The following DMD variants were observed in gnomAD, a reference collection of about 807,000 sequenced individuals.
The protein encoded by DMD is dystrophin, also known as mutant dystrophin.
DMD carries 63 observed loss-of-function variants against 330.1 expected under a neutral mutation model. That is an observed-to-expected ratio of 0.19 (90% confidence interval 0.16 to 0.24). The LOEUF is 0.24. Ranked by LOEUF, DMD falls within the 10% of genes least tolerant of loss-of-function variation. DMD has a pLI of 1.00. For missense variants in DMD, 3,344 were observed against 2,684.1 expected, an observed-to-expected ratio of 1.25 and a Z score of -5.43; for synonymous variants, 1,223 against 959.8, an observed-to-expected ratio of 1.27 and a Z score of -5.07.
chrX:32,443,397 T>G (rs1415974795), intron 27 of DMD, among the ~76,000 whole-genome samples: 1 of 111,072 alleles, frequency 9.0e-6, no homozygotes. Context: ...TGTTTTGCTT[T>G]AAAAGGTGAT....
chrX:32,020,926 A>G lies in DMD; in HGVS notation c.6439-52412T>C, dbSNP rs186210506. Among the ~76,000 whole-genome samples, 920 of 112,351 alleles carry G rather than the reference A, an allele frequency of 8.2e-3. 6 individuals are homozygous for G. The highest frequency in any genetic ancestry group is 0.028 in the African/African-American group (867 of 30,943). On this transcript the variant is annotated intron_variant, in intron 44 of 78. Coordinates refer to ENST00000357033, the MANE Select transcript of DMD (RefSeq NM_004006.3). ...CCTTAGCTCATTTAGATTGGCTCCA[A>G]TAAAATATTTTTTAAATTCAGTTAA...
chrX:31,356,916 T>G (rs981696780), intron 60 of DMD, among the ~76,000 whole-genome samples: 1 of 90,239 alleles, frequency 1.1e-5, no homozygotes, highest in African/African-American at 4.2e-5. Flanking sequence ...AGGAAGCATT[T>G]CTTCTGCCTT....
chrX:32,863,017 C>T (rs1402816792), intron 2 of DMD, among the ~76,000 whole-genome samples: 18 of 110,800 alleles, frequency 1.6e-4, no homozygotes, highest in Non-Finnish European at 9.4e-5. Flanking sequence ...GATTTACAGG[C>T]ATGAGCCACT....
intron 13 of DMD, among the ~76,000 whole-genome samples, chrX:32,592,851 C>T (rs1021297984): frequency 6.2e-5 from 7 of 112,236 alleles, no homozygotes; most frequent in South Asian, 7.4e-4. Context: ...GGTGCCACCG[C>T]GATCCCCTGT....
chrX:33,142,365 G>A (rs926833802), intron 1 of DMD, among the ~76,000 whole-genome samples: 5 of 113,120 alleles, frequency 4.4e-5, no homozygotes, highest in African/African-American at 6.4e-5. Flanking sequence ...GATTACAGGC[G>A]TGAGCCGCTG....
intron 59 of DMD, among the ~76,000 whole-genome samples, chrX:31,470,242 G>C (rs1164459987): frequency 1.8e-5 from 2 of 111,516 alleles, no homozygotes; most frequent in Non-Finnish European, 3.8e-5. Context: ...TCATTTGGAG[G>C]AGAAGAGGCG....
At chrX:32,840,546 A>T (rs1462770805) in intron 4 of DMD, among the ~76,000 whole-genome samples, 1 of 111,673 alleles carries the variant, frequency 9.0e-6, no homozygotes, top group African/African-American at 3.3e-5. Flanking sequence ...TCAGGTCAAA[A>T]CATGGAACAG....
chrX:32,885,330 A>C (rs2084411310), intron 2 of DMD, among the ~76,000 whole-genome samples: 1 of 111,811 alleles, frequency 8.9e-6, no homozygotes, highest in Admixed American at 9.5e-5. Context: ...GATTCAAAAT[A>C]TTAAGCCTAC....
intron 36 of DMD, 53 bp downstream of exon 36, chrX:32,364,529 T>C (rs2097847584): frequency 1.9e-5 from 22 of 1,175,635 alleles, no homozygotes; most frequent in Middle Eastern, 2.4e-4. Context: ...ACAAAGATGA[T>C]TGAAGTAACT....
chrX:32,326,124 A>T (rs1361171280), intron 41 of DMD, among the ~76,000 whole-genome samples: 2 of 111,923 alleles, frequency 1.8e-5, no homozygotes, highest in Non-Finnish European at 3.8e-5. Flanking sequence ...CCATGCCCTT[A>T]ACTTGAAGGG....
Position 32,252,881 on chromosome X carries a change from T to TATATAAATATATAAAA in DMD, c.6290+34647_6290+34648insTTTTATATATTTATAT, listed in dbSNP as rs1569553770. On this transcript the variant is annotated intron_variant, in intron 43 of 78. Coordinates refer to ENST00000357033, the MANE Select transcript of DMD (RefSeq NM_004006.3). ...ATATAAATATATAAATATATAAAAATATATATAAATATATATAAATATATA... is the reference window on the plus strand; with the variant it reads ...ATATAAATATATAAATATATAAAAATATATAAATATATAAAAATATATAAATATATATAAATATATA... Among the ~76,000 whole-genome samples the TATATAAATATATAAAA allele has an allele frequency of 1.7e-3, 125 of 75,452 alleles. 7 individuals are homozygous for TATATAAATATATAAAA. The highest frequency in any genetic ancestry group is 7.5e-3 in the African/African-American group (119 of 15,951). 65.5% of individuals were successfully genotyped at this position (75,452 alleles called of 115,157 possible).
rs181470338 is a variant in DMD, at chrX:31,735,514, C to A, written c.7543-5766G>T. Among the ~76,000 whole-genome samples the A allele has an allele frequency of 1.1e-3, 119 of 112,048 alleles. 2 individuals are homozygous for A. Among genetic ancestry groups the A allele is most frequent in the Admixed American group, 4.7e-3 (50 of 10,547 alleles). ...TATTAATTAGTAACATAGGTTTCTT[C>A]ATGCCTCCCATGGGCTGGCCTCTTA... On this transcript the variant is annotated intron_variant, in intron 51 of 78. Coordinates refer to ENST00000357033, the MANE Select transcript of DMD (RefSeq NM_004006.3).
chrX:33,144,669 G>A (rs953834721), intron 1 of DMD, among the ~76,000 whole-genome samples: 1 of 111,805 alleles, frequency 8.9e-6, no homozygotes, highest in Non-Finnish European at 1.9e-5. Context: ...TGATTGGAGA[G>A]TGTAGACCTT....
chrX:31,711,899 G>C (rs1569275143), intron 52 of DMD, among the ~76,000 whole-genome samples: 1 of 111,027 alleles, frequency 9.0e-6, no homozygotes, highest in Non-Finnish European at 1.9e-5. Flanking sequence ...ATCTGTAAGA[G>C]ATCTATTATG....
At chrX:31,789,199 C>A (rs1041517004) in intron 50 of DMD, among the ~76,000 whole-genome samples, 1 of 111,311 alleles carries the variant, frequency 9.0e-6, no homozygotes, top group Non-Finnish European at 1.9e-5. Flanking sequence ...GACTGTTTTG[C>A]TCAGTAGTAT....
chrX:32,868,184 G>T (rs1424117081), intron 2 of DMD, among the ~76,000 whole-genome samples: 2 of 112,012 alleles, frequency 1.8e-5, no homozygotes, highest in East Asian at 5.7e-4. Flanking sequence ...CCCTGCCTGG[G>T]AAATCTTTCT....
chrX:33,304,088 T>C (rs2053713936), intron 1 of DMD, among the ~76,000 whole-genome samples: 2 of 111,384 alleles, frequency 1.8e-5, no homozygotes, highest in South Asian at 3.7e-4. Flanking sequence ...TGTAAAATGA[T>C]GTTATATTTT....
chrX:32,881,843 C>G (rs998351248), intron 2 of DMD, among the ~76,000 whole-genome samples: 2 of 111,565 alleles, frequency 1.8e-5, no homozygotes, highest in Non-Finnish European at 3.8e-5. Context: ...GGCAAAGACT[C>G]TGCAAACCGT....
intron 55 of DMD, among the ~76,000 whole-genome samples, chrX:31,609,666 A>T (rs907355709): frequency 1.8e-5 from 2 of 111,977 alleles, no homozygotes; most frequent in African/African-American, 6.5e-5. Context: ...AAACCTGCTC[A>T]GAGGGTGAAT....
Sources: allele counts gnomAD v4.1 joint callset (sites outside exome capture counted in the v4.1 genomes callset), GRCh38; gene constraint gnomAD v4.1.1; transcripts MANE v1.5; gene names NCBI Gene and HGNC (gene_info 2026-07-23, HGNC 2026-07-21).